The following KLHL26 variants were observed in gnomAD, a reference collection of about 807,000 sequenced individuals.
The protein encoded by KLHL26 is kelch like family member 26.
In KLHL26, 4 loss-of-function variants were observed where a neutral mutation model predicts 7.1. That is an observed-to-expected ratio of 0.56 (90% CI 0.28 to 1.28). The LOEUF (loss-of-function observed/expected upper bound fraction) is 1.28, where lower values mean the gene tolerates loss of function less well. Ranked by LOEUF, KLHL26 falls within the 50% of genes most tolerant of loss-of-function variation. The pLI is 0.11. For missense variants in KLHL26, 896 were observed against 924.6 expected, an observed-to-expected ratio of 0.97 and a Z score of 0.40; for synonymous variants, 465 against 414.1, an observed-to-expected ratio of 1.12 and a Z score of -1.49.
intron 1 of KLHL26, among the ~76,000 whole-genome samples, chr19:18,661,728 A>G (rs565953727): frequency 2.0e-5 from 3 of 152,216 alleles, no homozygotes; most frequent in East Asian, 1.9e-4. Context: ...GGTAAAGGAC[A>G]TGAGCCTTTA....
intron 1 of KLHL26, among the ~76,000 whole-genome samples, chr19:18,641,573 G>C (rs4808841): frequency 6.7e-6 from 1 of 148,578 alleles, no homozygotes; most frequent in African/African-American, 2.5e-5. Context: ...CCTGCCTCAG[G>C]CTCCCAAAGT....
chr19:18,669,005 G>C lies in KLHL26; in HGVS notation c.1608G>C (p.Thr536=). Residue 536 remains threonine (T), a synonymous_variant, in exon 3 of 3, where the codon ACG becomes ACC. Coordinates refer to ENST00000300976, the MANE Select transcript of KLHL26 (RefSeq NM_018316.3). ...CTGTGGAGTACTATGTGCCGGAGAC[G>C]GACCAGTGGACCAGCGTGAGCCCCA... ...VLAVEYYVPE[T]DQWTSVSPMR... 6.2e-7 allele frequency: 1 copy of C among 1,612,676 alleles called. No individual in the cohort carries two copies. The highest frequency in any genetic ancestry group is 1.7e-4 in the Middle Eastern group (1 of 6,060).
In KLHL26 at chr19:18,667,933, C is replaced by A; in HGVS notation, c.536C>A (p.Ser179Ter). 3.7e-6 allele frequency: 6 copies of A among 1,611,100 alleles called. No individual in the cohort carries two copies. The highest frequency in any genetic ancestry group is 5.1e-6 in the Non-Finnish European group (6 of 1,179,992). ...GQMATTFSLA[S>*]LRESVDAFTF... ...ATGGCCACCACCTTCAGCCTGGCCT[C>A]GCTGCGAGAGTCGGTGGATGCCTTC... Residue 179 changes from serine (S) to a stop codon, truncating the protein, a stop_gained, in exon 3 of 3, where the codon TCG (serine) becomes TAG (stop). Transcript: ENST00000300976. LOFTEE classifies it low-confidence loss of function (END_TRUNC).
At chr19:18,651,095 T>A (rs897022782) in intron 1 of KLHL26, among the ~76,000 whole-genome samples, 4 of 152,134 alleles carry the variant, frequency 2.6e-5, no homozygotes, top group African/African-American at 9.7e-5. Context: ...GTTCACATTT[T>A]AAAAAGTGCA....
At position 18,656,228 on chromosome 19, in the gene KLHL26, C is replaced by T. The variant is rs1420608580; in HGVS notation, c.84-8033C>T. ...ACGGGCCTCAGCTTTCTGCTCCCAG[C>T]TCTGTGGGCTTCACCTCTCAACCTG... On this transcript the variant is annotated intron_variant, in intron 1 of 2. Coordinates refer to ENST00000300976, the MANE Select transcript of KLHL26 (RefSeq NM_018316.3). This position sits in a 1 kb window ranked among gnomAD's most constrained non-coding sequence, Gnocchi z 4.4. 1.3e-5 allele frequency among the ~76,000 whole-genome samples: 2 copies of T among 152,240 alleles called. No homozygotes were observed. Among genetic ancestry groups the T allele is most frequent in the Non-Finnish European group, 2.9e-5 (2 of 68,042 alleles).
chr19:18,667,934 G>C lies in KLHL26; in HGVS notation c.537G>C (p.Ser179=). 1 of 1,610,902 alleles carries C rather than the reference G, an allele frequency of 6.2e-7. No individual in the cohort carries two copies. Among genetic ancestry groups the C allele is most frequent in the Middle Eastern group, 1.6e-4 (1 of 6,062 alleles). Reference sequence around the variant, plus strand: ...TGGCCACCACCTTCAGCCTGGCCTCGCTGCGAGAGTCGGTGGATGCCTTCA... The same window carrying C: ...TGGCCACCACCTTCAGCCTGGCCTCCCTGCGAGAGTCGGTGGATGCCTTCA... ...GQMATTFSLA[S]LRESVDAFTF... The change falls in exon 3 of 3, where the codon TCG becomes TCC. Residue 179 remains serine (S), a synonymous_variant. Transcript: ENST00000300976.
At chr19:18,663,029 C>A (rs2052407268) in intron 1 of KLHL26, among the ~76,000 whole-genome samples, 1 of 152,174 alleles carries the variant, frequency 6.6e-6, no homozygotes, top group South Asian at 2.1e-4. Flanking sequence ...GGCTCCAGCA[C>A]CCCCAGCACC....
rs1401983649 is a variant in KLHL26, at chr19:18,668,322, C to T, written c.925C>T (p.Pro309Ser). ...SPRTAVRSDV[P>S]SLVTFGGTPY... Reference sequence around the variant, plus strand: ...GCGCACCGCCGTGCGCTCGGATGTGCCCTCGCTCGTCACCTTCGGCGGCAC... The same window carrying T: ...GCGCACCGCCGTGCGCTCGGATGTGTCCTCGCTCGTCACCTTCGGCGGCAC... Residue 309 changes from proline to serine, a missense_variant, in exon 3 of 3, where the codon CCC becomes TCC. Coordinates refer to ENST00000300976, the MANE Select transcript of KLHL26 (RefSeq NM_018316.3). 1 of 1,610,348 alleles carries T rather than the reference C, an allele frequency of 6.2e-7. No individual in the cohort carries two copies. Among genetic ancestry groups the T allele is most frequent in the Non-Finnish European group, 8.5e-7 (1 of 1,179,552 alleles).
In KLHL26 at chr19:18,669,449, G is replaced by GC; in HGVS notation, c.*206dup. 3.4e-6 allele frequency: 2 copies of GC among 586,686 alleles called. No individual in the cohort carries two copies. The highest frequency in any genetic ancestry group is 4.2e-5 in the South Asian group (2 of 47,874). 36.3% of individuals were successfully genotyped at this position (586,686 alleles called of 1,614,324 possible). On this transcript the variant is annotated 3_prime_UTR_variant, in exon 3 of 3. Coordinates refer to ENST00000300976, the MANE Select transcript of KLHL26 (RefSeq NM_018316.3). ...CCTGGCTGCGAGTCCATCCGAGGGAGCCTGCCGGCAAAGCGTCTGACATGT... is the reference window on the plus strand; with the variant it reads ...CCTGGCTGCGAGTCCATCCGAGGGAGCCCTGCCGGCAAAGCGTCTGACATGT...
At chr19:18,638,072 T>C (rs1225020692) in intron 1 of KLHL26, among the ~76,000 whole-genome samples, 2 of 152,194 alleles carry the variant, frequency 1.3e-5, no homozygotes, top group African/African-American at 4.8e-5. Flanking sequence ...TCTTTTCCTA[T>C]TGGGCAAAGC....
intron 1 of KLHL26, among the ~76,000 whole-genome samples, chr19:18,642,382 T>TG (rs71168756): frequency 0.01 from 1,574 of 150,278 alleles, 25 homozygotes; most frequent in African/African-American, 0.036. Flanking sequence ...TGTGTGTGTG[T>TG]TTGAGATGGA....
chr19:18,645,970 C>T (rs1024325605), intron 1 of KLHL26, among the ~76,000 whole-genome samples: 4 of 152,036 alleles, frequency 2.6e-5, no homozygotes, highest in African/African-American at 9.7e-5. Context: ...GAAGCTTTCT[C>T]CACAATCTAG....
At chr19:18,658,663 G>A (rs1344825886) in intron 1 of KLHL26, among the ~76,000 whole-genome samples, 2 of 144,364 alleles carry the variant, frequency 1.4e-5, no homozygotes, top group African/African-American at 5.3e-5. Context: ...CTCTCTCCCT[G>A]GGTGTCTCTT....
intron 1 of KLHL26, among the ~76,000 whole-genome samples, chr19:18,637,385 C>T (rs1382739921): frequency 1.3e-5 from 2 of 151,966 alleles, no homozygotes; most frequent in South Asian, 2.1e-4. Context: ...CCTGAGAATC[C>T]TGGGGGTCTG....
intron 1 of KLHL26, among the ~76,000 whole-genome samples, chr19:18,643,447 A>T (rs954849491): frequency 8.6e-5 from 13 of 151,478 alleles, no homozygotes; most frequent in African/African-American, 2.7e-4. Flanking sequence ...TGTCTTAAAA[A>T]ATATATATAT....
rs557059178 is a variant in KLHL26, at chr19:18,668,296, C to T, written c.899C>T (p.Pro300Leu). Residue 300 changes from proline to leucine, a missense_variant, in exon 3 of 3, where the codon CCG (proline) becomes CTG (leucine). Pro to Leu is a moderately conservative substitution (Grantham distance 98). Transcript: ENST00000300976. Reference protein sequence around the residue: ...LPFRQHEMQSPRTAVRSDVPS... With the variant: ...LPFRQHEMQSLRTAVRSDVPS... ...TTCCGGCAGCACGAGATGCAGTCTC[C>T]GCGCACCGCCGTGCGCTCGGATGTG... is the stretch of plus-strand genomic sequence containing the variant. The T allele has an allele frequency of 9.0e-5, 145 of 1,611,636 alleles. 1 individual carries two copies. The South Asian group carries it at 1.2e-3, about 13-fold the overall frequency.
intron 1 of KLHL26, among the ~76,000 whole-genome samples, chr19:18,641,846 C>T (rs1192538010): frequency 6.6e-6 from 1 of 152,056 alleles, no homozygotes; most frequent in Non-Finnish European, 1.5e-5. Flanking sequence ...TCAGGCTGGT[C>T]TCGATCTCTT....
chr19:18,654,062 CCCATCCAG>C (rs1399641051), intron 1 of KLHL26, among the ~76,000 whole-genome samples: 2 of 133,706 alleles, frequency 1.5e-5, no homozygotes, highest in African/African-American at 5.7e-5. Flanking sequence ...CATCCATCCA[CCCATCCAG>C]CCATCCACCC....
intron 1 of KLHL26, 88 bp downstream of exon 1, chr19:18,637,225 G>C (rs1976635411): frequency 8.3e-7 from 1 of 1,209,318 alleles, no homozygotes; most frequent in African/African-American, 1.6e-5. Flanking sequence ...GGGGTTGAGG[G>C]GAGGCCTGGC....
Sources: gnomAD v4.1 joint callset for allele counts (sites outside exome capture counted in the v4.1 genomes callset) on GRCh38, gnomAD v4.1.1 for gene constraint, Gnocchi (gnomAD v3.1) non-coding constraint, MANE v1.5 for transcripts, NCBI Gene and HGNC (gene_info 2026-07-23, HGNC 2026-07-21) for gene names.